The following LMO7 variants were observed in gnomAD, a reference collection of about 807,000 sequenced individuals.
LMO7 encodes the protein LIM domain only protein 7.
In LMO7, 120 loss-of-function variants were observed where a neutral mutation model predicts 206.5. The observed-to-expected ratio is 0.58, with a 90% CI of 0.50 to 0.68. The LOEUF (loss-of-function observed/expected upper bound fraction) is 0.68. LMO7 is among the 30% of genes least tolerant of loss of function. The pLI, the probability that LMO7 is intolerant of heterozygous loss-of-function variation, is 0.00. For synonymous variants in LMO7, 706 were observed against 681.5 expected (o/e 1.04, Z -0.56); for missense variants, 1,959 against 1,957.9 (o/e 1.00, Z -0.01).
intron 27 of LMO7, among the ~76,000 whole-genome samples, chr13:75,850,469 C>T (rs2060404022): frequency 6.6e-6 from 1 of 152,024 alleles, no homozygotes; most frequent in Non-Finnish European, 1.5e-5. Flanking sequence ...TCATTAATGG[C>T]AAAAGAAAAG....
chr13:75,831,629 G>A (rs1257442806), intron 15 of LMO7, among the ~76,000 whole-genome samples: 3 of 152,110 alleles, frequency 2.0e-5, no homozygotes, highest in Admixed American at 2.0e-4. Flanking sequence ...ACAACATGGT[G>A]GAAAAGCAGA....
intron 1 of LMO7, among the ~76,000 whole-genome samples, chr13:75,645,336 A>G (rs918658155): frequency 2.0e-5 from 3 of 152,162 alleles, no homozygotes; most frequent in Non-Finnish European, 4.4e-5. Flanking sequence ...GTGAACAGGG[A>G]AAGAAATATC....
At chr13:75,804,922 T>C in intron 8 of LMO7, 7 of 1,006,500 alleles carry the variant, frequency 7.0e-6, no homozygotes, top group Non-Finnish European at 8.3e-6. Context: ...GAGTGTGGTT[T>C]TGCAAATCCA....
At chr13:75,699,866 C>CT (rs550541641) in intron 1 of LMO7, among the ~76,000 whole-genome samples, 262 of 152,306 alleles carry the variant, frequency 1.7e-3, no homozygotes, top group African/African-American at 6.2e-3. Context: ...CCTAGCAAGC[C>CT]TGGGGGCGCT....
chr13:75,658,729 G>A (rs546494391), intron 1 of LMO7, among the ~76,000 whole-genome samples: 73 of 151,322 alleles, frequency 4.8e-4, no homozygotes, highest in South Asian at 4.6e-3. Flanking sequence ...GACTACAGGC[G>A]CCCACCACCA....
chr13:75,664,317 A>C (rs945013903), intron 1 of LMO7, among the ~76,000 whole-genome samples: 2 of 152,226 alleles, frequency 1.3e-5, no homozygotes, highest in African/African-American at 4.8e-5. Flanking sequence ...TTCACTTAAC[A>C]TAATGATCTC....
At chr13:75,853,515 G>A in intron 28 of LMO7, 127 bp downstream of exon 28, 1 of 824,910 alleles carries the variant, frequency 1.2e-6, no homozygotes, top group Non-Finnish European at 1.8e-6. Context: ...TGTCAAATTT[G>A]GTATTCTAGT....
chr13:75,691,804 C>A (rs2139639106), intron 1 of LMO7, among the ~76,000 whole-genome samples: 1 of 152,026 alleles, frequency 6.6e-6, no homozygotes, highest in East Asian at 1.9e-4. Context: ...GGATACTGAC[C>A]CCCCATTCAC....
chr13:75,838,048 T>C, intron 19 of LMO7, 92 bp from the exon 20 acceptor site: 1 of 724,286 alleles, frequency 1.4e-6, no homozygotes, highest in Admixed American at 2.5e-5. Context: ...ATAATATTGC[T>C]ACAGATTGGA....
intron 3 of LMO7, 173 bp from the exon 4 acceptor site, chr13:75,760,759 G>A (rs2048113596): frequency 2.0e-6 from 3 of 1,536,990 alleles, no homozygotes; most frequent in Non-Finnish European, 2.6e-6. Context: ...GGACTGAAAG[G>A]CTGTACAAGC....
intron 3 of LMO7, among the ~76,000 whole-genome samples, chr13:75,731,517 G>C (rs374191031): frequency 6.6e-6 from 1 of 152,052 alleles, no homozygotes; most frequent in Admixed American, 6.6e-5. Flanking sequence ...TTGAGCCTAT[G>C]TGTGTCTCTG....
chr13:75,622,601 G>T, intron 1 of LMO7, among the ~76,000 whole-genome samples: 1 of 152,246 alleles, frequency 6.6e-6, no homozygotes, highest in South Asian at 2.1e-4. Context: ...TCTTTCAGGG[G>T]ATCAAACCAG....
intron 27 of LMO7, among the ~76,000 whole-genome samples, chr13:75,849,974 A>G (rs2060351585): frequency 6.6e-6 from 1 of 152,088 alleles, no homozygotes; most frequent in African/African-American, 2.4e-5. Context: ...TACCAACTCT[A>G]TAAAAAATAG....
At chr13:75,737,530 G>T (rs1476082521) in intron 3 of LMO7, among the ~76,000 whole-genome samples, 10 of 147,584 alleles carry the variant, frequency 6.8e-5, no homozygotes, top group South Asian at 2.1e-4. Flanking sequence ...GAGGCGGGCG[G>T]ATCACGAGGT....
Position 75,843,034 on chromosome 13 carries a change from G to A in LMO7, c.4097+118G>A, listed in dbSNP as rs901807037. ...CCCTTTGTCATTTGTGGGGTATAAA[G>A]AGGAATTGCTGGTTGATCTTTGTAT... On this transcript the variant is annotated intron_variant, in intron 25 of 30. Transcript: ENST00000377534. 3.6e-5 allele frequency: 25 copies of A among 692,814 alleles called. No homozygotes were observed. In the East Asian group the frequency reaches 6.4e-4, roughly 18 times the overall value. The allele number at this position is 692,814 out of a possible 1,614,324, so 42.9% of individuals were successfully genotyped here.
intron 1 of LMO7, among the ~76,000 whole-genome samples, chr13:75,673,841 G>C (rs903423900): frequency 6.6e-6 from 1 of 152,150 alleles, no homozygotes; most frequent in African/African-American, 2.4e-5. Context: ...TCATAATCTT[G>C]TAACTGTTAC....
chr13:75,704,398 T>C (rs2042505640), intron 1 of LMO7, among the ~76,000 whole-genome samples: 1 of 152,214 alleles, frequency 6.6e-6, no homozygotes, highest in African/African-American at 2.4e-5. Flanking sequence ...TTAAGTATCA[T>C]GACCTAGTAG....
chr13:75,764,906 T>G (rs2048654659), intron 4 of LMO7, among the ~76,000 whole-genome samples: 1 of 152,130 alleles, frequency 6.6e-6, no homozygotes. Flanking sequence ...AGTATAACTT[T>G]AAGTAAACAT....
At chr13:75,774,889 C>T (rs1202801347) in intron 4 of LMO7, among the ~76,000 whole-genome samples, 1 of 152,020 alleles carries the variant, frequency 6.6e-6, no homozygotes, top group Non-Finnish European at 1.5e-5. Flanking sequence ...ATGATCCATA[C>T]TTTTTTGTGT....
Sources: gnomAD v4.1 joint callset for allele counts (sites outside exome capture counted in the v4.1 genomes callset) on GRCh38, gnomAD v4.1.1 for gene constraint, MANE v1.5 for transcripts, NCBI Gene and HGNC (gene_info 2026-07-23, HGNC 2026-07-21) for gene names.